The following PTPRD variants were observed in gnomAD, a reference collection of about 807,000 sequenced individuals.
PTPRD encodes receptor-type tyrosine-protein phosphatase delta.
In PTPRD, 34 loss-of-function variants were observed where a neutral mutation model predicts 214.5. The ratio of observed to expected loss-of-function variants is 0.16; its 90% CI spans 0.12 to 0.21. The LOEUF (loss-of-function observed/expected upper bound fraction) is 0.21, where lower values mean the gene tolerates loss of function less well. Among genes scored for constraint, PTPRD ranks in the 10% least tolerant of loss-of-function variants. The pLI, the probability that PTPRD is intolerant of heterozygous loss-of-function variation, is 1.00. For synonymous variants in PTPRD, 1,128 were observed against 845.7 expected (o/e 1.33, Z -5.79); for missense variants, 2,545 against 2,398.7 (o/e 1.06, Z -1.27).
At chr9:10,207,947 C>T (rs1400677959) in intron 3 of PTPRD, among the ~76,000 whole-genome samples, 1 of 152,190 alleles carries the variant, frequency 6.6e-6, no homozygotes, top group African/African-American at 2.4e-5. Context: ...TCAATTCCCA[C>T]ACATTCAGAG....
intron 3 of PTPRD, among the ~76,000 whole-genome samples, chr9:10,308,614 G>C (rs1441645559): frequency 6.6e-6 from 1 of 151,982 alleles, no homozygotes; most frequent in Non-Finnish European, 1.5e-5. Flanking sequence ...TTAGTATTTT[G>C]ATACAGTTTG....
At chr9:9,802,653 T>TTA (rs1555118135) in intron 5 of PTPRD, among the ~76,000 whole-genome samples, 3 of 151,292 alleles carry the variant, frequency 2.0e-5, no homozygotes, top group Non-Finnish European at 3.0e-5. Context: ...CGTTTTTTTT[T>TTA]AAAAAAAATT....
intron 6 of PTPRD, among the ~76,000 whole-genome samples, chr9:9,746,094 A>T (rs2098455178): frequency 6.6e-6 from 1 of 152,180 alleles, no homozygotes; most frequent in Non-Finnish European, 1.5e-5. Flanking sequence ...TGCAATGCTT[A>T]AAAAAGTTTA....
chr9:9,851,485 C>T (rs569919106), intron 5 of PTPRD, among the ~76,000 whole-genome samples: 11 of 152,318 alleles, frequency 7.2e-5, no homozygotes, highest in South Asian at 2.1e-4. Flanking sequence ...ACAAGTACTG[C>T]AGGGCCTAAA....
At chr9:8,543,776 G>C (rs553081015) in intron 14 of PTPRD, among the ~76,000 whole-genome samples, 77 of 152,174 alleles carry the variant, frequency 5.1e-4, no homozygotes, top group African/African-American at 1.8e-3. Context: ...GCAATGGCAT[G>C]GTCTAGGCTC....
intron 3 of PTPRD, among the ~76,000 whole-genome samples, chr9:10,088,531 C>A (rs558216339): frequency 4.2e-4 from 63 of 151,760 alleles, no homozygotes; most frequent in Non-Finnish European, 7.5e-4. Flanking sequence ...GTTTATTAGT[C>A]TCTTTTCTGT....
At chr9:9,179,587 T>C (rs916471747) in intron 10 of PTPRD, among the ~76,000 whole-genome samples, 2 of 152,100 alleles carry the variant, frequency 1.3e-5, no homozygotes, top group African/African-American at 4.8e-5. Context: ...TAAGCATCTA[T>C]GGTTTCAATG....
chr9:10,206,184 A>C (rs2099476251), intron 3 of PTPRD, among the ~76,000 whole-genome samples: 1 of 152,176 alleles, frequency 6.6e-6, no homozygotes, highest in African/African-American at 2.4e-5. Context: ...AATAGCACGC[A>C]TGAAATCAAA....
intron 10 of PTPRD, among the ~76,000 whole-genome samples, chr9:9,098,464 G>T (rs555033474): frequency 1.6e-4 from 25 of 152,158 alleles, no homozygotes; most frequent in Non-Finnish European, 2.9e-4. Flanking sequence ...GGCCAGTCTG[G>T]TGTCGAACTC....
intron 18 of PTPRD, chr9:8,524,700 C>G (rs952284015): frequency 1.9e-5 from 12 of 632,962 alleles, no homozygotes; most frequent in Middle Eastern, 2.6e-4. Flanking sequence ...TGCAAATATA[C>G]TTACAAACTC....
intron 4 of PTPRD, among the ~76,000 whole-genome samples, chr9:9,943,095 C>G: frequency 6.6e-6 from 1 of 152,062 alleles, no homozygotes; most frequent in Non-Finnish European, 1.5e-5. Context: ...CTACCCAAGT[C>G]TCCTTGGTCC....
intron 9 of PTPRD, among the ~76,000 whole-genome samples, chr9:9,282,929 G>A (rs185895003): frequency 6.6e-6 from 1 of 151,392 alleles, no homozygotes; most frequent in Non-Finnish European, 1.5e-5. Context: ...CAATATGTTA[G>A]ATTACACTAT....
chr9:8,751,628 T>C (rs1393375382), intron 11 of PTPRD, among the ~76,000 whole-genome samples: 1 of 152,212 alleles, frequency 6.6e-6, no homozygotes, highest in Non-Finnish European at 1.5e-5. Context: ...AATTGCTGGC[T>C]ATCTTTCCAA....
chr9:10,102,963 C>T (rs2098573854), intron 3 of PTPRD, among the ~76,000 whole-genome samples: 2 of 151,614 alleles, frequency 1.3e-5, no homozygotes, highest in Admixed American at 1.3e-4. Context: ...CCTTCAATAT[C>T]TCTTCTTCAA....
At position 8,470,985 on chromosome 9, in the gene PTPRD, A is replaced by G; in HGVS notation, c.3504+10T>C. On this transcript the variant is annotated intron_variant, in intron 31 of 45. Coordinates refer to ENST00000381196, the MANE Select transcript of PTPRD (RefSeq NM_002839.4). The stretch of plus-strand genomic sequence containing the variant: ...CGAATAAAAGACATGGCCAACAATG[A>G]CACAGTTACCTCATCTAATTCCATT... The G allele has an allele frequency of 6.2e-7, 1 of 1,607,336 alleles. No individual in the cohort carries two copies. Among genetic ancestry groups the G allele is most frequent in the Non-Finnish European group, 8.5e-7 (1 of 1,174,066 alleles).
At chr9:10,095,773 T>A (rs747369750) in intron 3 of PTPRD, among the ~76,000 whole-genome samples, 1 of 151,576 alleles carries the variant, frequency 6.6e-6, no homozygotes, top group African/African-American at 2.4e-5. Context: ...CCAAAATGCA[T>A]CCTACTTCAT....
intron 2 of PTPRD, among the ~76,000 whole-genome samples, chr9:10,375,266 T>C (rs1476129187): frequency 1.3e-5 from 2 of 152,078 alleles, no homozygotes; most frequent in African/African-American, 4.8e-5. Context: ...TAAAATTATA[T>C]ACAGAATGCT....
At chr9:10,241,451 G>A (rs957182301) in intron 3 of PTPRD, among the ~76,000 whole-genome samples, 3 of 151,804 alleles carry the variant, frequency 2.0e-5, no homozygotes, top group African/African-American at 4.8e-5. Context: ...AAGAGTAGAC[G>A]GCCTTCAACA....
At chr9:8,381,639 T>G (rs2085120247) in intron 37 of PTPRD, among the ~76,000 whole-genome samples, 1 of 152,194 alleles carries the variant, frequency 6.6e-6, no homozygotes, top group Non-Finnish European at 1.5e-5. Flanking sequence ...CAGTGCAGCT[T>G]TTCATATATA....
Sources: allele counts gnomAD v4.1 joint callset (sites outside exome capture counted in the v4.1 genomes callset), GRCh38; gene constraint gnomAD v4.1.1; transcripts MANE v1.5; gene names NCBI Gene and HGNC (gene_info 2026-07-23, HGNC 2026-07-21).